The following CNTNAP4 variants were observed in gnomAD, a reference collection of about 807,000 sequenced individuals.
The protein encoded by CNTNAP4 is contactin associated protein family member 4, also known as contactin-associated protein-like 4.
In CNTNAP4, 98 loss-of-function variants were observed where a neutral mutation model predicts 148.4. The observed-to-expected ratio is 0.66, with a 90% confidence interval of 0.56 to 0.78. The LOEUF is 0.78. Ranked by LOEUF, CNTNAP4 falls within the 30% of genes least tolerant of loss-of-function variation. The pLI is 0.00. For missense variants in CNTNAP4, 1,935 were observed against 1,565.6 expected, an observed-to-expected ratio of 1.24 and a Z score of -3.98; for synonymous variants, 730 against 565.1, an observed-to-expected ratio of 1.29 and a Z score of -4.14.
intron 20 of CNTNAP4, 143 bp from the exon 21 acceptor site, chr16:76,540,560 T>C: frequency 3.2e-6 from 1 of 310,138 alleles, no homozygotes; most frequent in Non-Finnish European, 5.9e-6. Context: ...GGCTAAGCTT[T>C]TAAATTTTGT....
chr16:76,293,009 G>T (rs974205566), intron 1 of CNTNAP4, among the ~76,000 whole-genome samples: 1 of 152,256 alleles, frequency 6.6e-6, no homozygotes, highest in African/African-American at 2.4e-5. Context: ...AAAAATATCA[G>T]AGACTTTCAG....
At chr16:76,292,622 C>T (rs931837260) in intron 1 of CNTNAP4, among the ~76,000 whole-genome samples, 2 of 152,180 alleles carry the variant, frequency 1.3e-5, no homozygotes, top group Admixed American at 6.5e-5. Flanking sequence ...GGTAGGACCT[C>T]CTAACTGCTG....
At chr16:76,320,757 C>A (rs573652779) in intron 2 of CNTNAP4, among the ~76,000 whole-genome samples, 4 of 152,142 alleles carry the variant, frequency 2.6e-5, no homozygotes, top group African/African-American at 9.6e-5. Flanking sequence ...ATGGAGAAAC[C>A]ACATCTTTTA....
At chr16:76,374,753 A>AC (rs1317959002) in intron 3 of CNTNAP4, among the ~76,000 whole-genome samples, 1 of 129,620 alleles carries the variant, frequency 7.7e-6, no homozygotes, top group African/African-American at 2.8e-5. Context: ...TATTATTATT[A>AC]TTATTATTAT....
chr16:76,303,594 C>G (rs564912006), intron 1 of CNTNAP4, among the ~76,000 whole-genome samples: 34 of 152,274 alleles, frequency 2.2e-4, no homozygotes, highest in African/African-American at 7.7e-4. Flanking sequence ...GAATTTCTAA[C>G]TGTATCATCA....
intron 4 of CNTNAP4, 79 bp from the exon 5 acceptor site, chr16:76,447,933 T>C (rs939036736): frequency 4.8e-6 from 5 of 1,040,896 alleles, no homozygotes; most frequent in Non-Finnish European, 7.3e-6. Flanking sequence ...CTGCCTTTTC[T>C]CAATATATAA....
chr16:76,452,159 A>C (rs571077633), intron 7 of CNTNAP4, among the ~76,000 whole-genome samples: 1 of 152,114 alleles, frequency 6.6e-6, no homozygotes, highest in Non-Finnish European at 1.5e-5. Flanking sequence ...ATTCATTGGA[A>C]CAATGTATTT....
chr16:76,399,534 GA>G, intron 3 of CNTNAP4, among the ~76,000 whole-genome samples: 1 of 152,188 alleles, frequency 6.6e-6, no homozygotes, highest in South Asian at 2.1e-4. Flanking sequence ...GAGATTTTTG[GA>G]ACCCACAGGG....
At chr16:76,437,966 G>T (rs767409355) in intron 4 of CNTNAP4, among the ~76,000 whole-genome samples, 1 of 152,064 alleles carries the variant, frequency 6.6e-6, no homozygotes, top group Non-Finnish European at 1.5e-5. Context: ...TATTTTAAAA[G>T]CCTGCTTCAG....
chr16:76,484,072 A>G (rs899732418), intron 12 of CNTNAP4, among the ~76,000 whole-genome samples: 2 of 148,752 alleles, frequency 1.3e-5, no homozygotes, highest in African/African-American at 2.5e-5. Context: ...TAGCAAATTA[A>G]TGTACATTAT....
chr16:76,349,722 G>A (rs1965216793), intron 2 of CNTNAP4, among the ~76,000 whole-genome samples: 1 of 152,050 alleles, frequency 6.6e-6, no homozygotes, highest in Non-Finnish European at 1.5e-5. Context: ...TAGGAATTTA[G>A]ATGTCCTAAT....
intron 3 of CNTNAP4, among the ~76,000 whole-genome samples, chr16:76,414,145 C>T (rs979026851): frequency 1.3e-5 from 2 of 151,282 alleles, no homozygotes; most frequent in Admixed American, 1.3e-4. Flanking sequence ...CACAAAGCAG[C>T]TCTCAGCATT....
intron 3 of CNTNAP4, among the ~76,000 whole-genome samples, chr16:76,381,785 G>A (rs1212884896): frequency 6.6e-6 from 1 of 152,172 alleles, no homozygotes; most frequent in East Asian, 1.9e-4. Context: ...TACCTGCCGG[G>A]TGCGGTGGCT....
chr16:76,321,887 A>T lies in CNTNAP4; in HGVS notation c.196+5364A>T, dbSNP rs1962458054. The stretch of plus-strand genomic sequence containing the variant: ...ACTTTCTGTATGAAAAAAGAGTAAG[A>T]TATAACTTTTGTACAGGATTGAAAA... On this transcript the variant is annotated intron_variant, in intron 2 of 23. Coordinates refer to ENST00000611870, the MANE Select transcript of CNTNAP4 (RefSeq NM_033401.5). Among the ~76,000 whole-genome samples, 3 of 152,006 alleles carry T rather than the reference A, an allele frequency of 2.0e-5. No homozygotes were observed. The South Asian group carries it at 6.2e-4, about 31-fold the overall frequency.
At chr16:76,327,100 T>TA (rs1944701893) in intron 2 of CNTNAP4, among the ~76,000 whole-genome samples, 1 of 152,206 alleles carries the variant, frequency 6.6e-6, no homozygotes, top group Non-Finnish European at 1.5e-5. Flanking sequence ...GCAGGTTTGT[T>TA]ACAAAGGTAT....
chr16:76,319,275 C>G (rs935773823), intron 2 of CNTNAP4, among the ~76,000 whole-genome samples: 1 of 151,976 alleles, frequency 6.6e-6, no homozygotes, highest in African/African-American at 2.4e-5. Context: ...ACCCGCGGTC[C>G]TAGCTATCCA....
intron 3 of CNTNAP4, among the ~76,000 whole-genome samples, chr16:76,424,394 G>C (rs7342793): frequency 0.37 from 55,612 of 152,020 alleles, 11,389 homozygotes; most frequent in Non-Finnish European, 0.44. Context: ...AGAATCAAAA[G>C]TATAAGAAGA....
intron 12 of CNTNAP4, among the ~76,000 whole-genome samples, chr16:76,481,806 A>G (rs1217223091): frequency 6.6e-6 from 1 of 152,128 alleles, no homozygotes; most frequent in Non-Finnish European, 1.5e-5. Context: ...TCTGAGACAG[A>G]TGATCTTACT....
Position 76,495,291 on chromosome 16 carries a change from T to C in CNTNAP4, c.2237+225T>C. ...GACCATAAGTCATGTATATTTTAAT[T>C]TTATAATCAAACAGAGACACCTGTT... On this transcript the variant is annotated intron_variant, in intron 14 of 23. Transcript: ENST00000611870. 3 of 312,846 alleles carry C rather than the reference T, an allele frequency of 9.6e-6. No individual in the cohort carries two copies. In the South Asian group the frequency reaches 2.3e-4, roughly 24 times the overall value. 19.4% of individuals were successfully genotyped at this position (312,846 alleles called of 1,614,324 possible). A position where few individuals can be genotyped will look rare whatever the true frequency, so the allele number is the denominator to read the frequency against.
Sources: gnomAD v4.1 joint callset for allele counts (sites outside exome capture counted in the v4.1 genomes callset) on GRCh38, gnomAD v4.1.1 for gene constraint, MANE v1.5 for transcripts, NCBI Gene and HGNC (gene_info 2026-07-23, HGNC 2026-07-21) for gene names.